The following LYPD6 variants were observed in gnomAD, a reference collection of about 807,000 sequenced individuals.
LYPD6 encodes the protein ly6/PLAUR domain-containing protein 6.
In LYPD6, 15 loss-of-function variants were observed where a neutral mutation model predicts 22.7. That is an observed-to-expected ratio of 0.66 (90% CI 0.44 to 1.02). LYPD6 has a LOEUF of 1.02. LYPD6 is among the 50% of genes least tolerant of loss of function. The pLI is 0.00. For missense variants in LYPD6, 189 were observed against 208.4 expected (o/e 0.91, Z 0.57); for synonymous variants, 72 against 77.5 (o/e 0.93, Z 0.37).
chr2:149,388,182 T>C lies in LYPD6; in HGVS notation c.-71-49456T>C, dbSNP rs199844872. Among the ~76,000 whole-genome samples the C allele has an allele frequency of 2.6e-4, 38 of 146,706 alleles. No individual in the cohort carries two copies. The East Asian group carries it at 5.7e-3, about 22-fold the overall frequency. Reference sequence around the variant, plus strand: ...TACCTTTCTTTCTCTCTCTCTCTCTTTTTTTTTTTTTTGGTCTAAGTTGGT... The same window carrying C: ...TACCTTTCTTTCTCTCTCTCTCTCTCTTTTTTTTTTTTGGTCTAAGTTGGT... On this transcript the variant is annotated intron_variant, in intron 1 of 4. Coordinates refer to ENST00000334166, the MANE Select transcript of LYPD6 (RefSeq NM_194317.5).
intron 1 of LYPD6, among the ~76,000 whole-genome samples, chr2:149,391,294 C>G (rs1423799207): frequency 6.6e-6 from 1 of 152,152 alleles, no homozygotes; most frequent in African/African-American, 2.4e-5. Flanking sequence ...TTTAATGTCA[C>G]TGATTTTTTG....
At chr2:149,389,089 G>T (rs938692835) in intron 1 of LYPD6, among the ~76,000 whole-genome samples, 1 of 152,156 alleles carries the variant, frequency 6.6e-6, no homozygotes, top group African/African-American at 2.4e-5. Flanking sequence ...GAAAGAAAGA[G>T]TGACTAGAAG....
At chr2:149,402,337 C>T (rs1458367772) in intron 1 of LYPD6, among the ~76,000 whole-genome samples, 2 of 151,988 alleles carry the variant, frequency 1.3e-5, no homozygotes, top group East Asian at 3.9e-4. Flanking sequence ...AAATTGTGCT[C>T]CTGTAAACAT....
chr2:149,416,322 C>T (rs149133631), intron 1 of LYPD6, among the ~76,000 whole-genome samples: 1 of 152,248 alleles, frequency 6.6e-6, no homozygotes, highest in Non-Finnish European at 1.5e-5. Context: ...GGGAATGAAA[C>T]CTTTGTAGTC....
chr2:149,383,217 A>G (rs1682107619), intron 1 of LYPD6, among the ~76,000 whole-genome samples: 1 of 152,150 alleles, frequency 6.6e-6, no homozygotes, highest in Non-Finnish European at 1.5e-5. Context: ...AAACTTTTCT[A>G]TGCCGGTTGA....
At chr2:149,402,344 A>C (rs1166182525) in intron 1 of LYPD6, among the ~76,000 whole-genome samples, 1 of 152,072 alleles carries the variant, frequency 6.6e-6, no homozygotes, top group Non-Finnish European at 1.5e-5. Flanking sequence ...GCTCCTGTAA[A>C]CATGCATGTG....
At chr2:149,391,734 T>G (rs1228083098) in intron 1 of LYPD6, among the ~76,000 whole-genome samples, 1 of 152,198 alleles carries the variant, frequency 6.6e-6, no homozygotes, top group Admixed American at 6.5e-5. Context: ...CATACCTCCC[T>G]TTCAATAAGA....
chr2:149,332,796 T>C (rs909987868), intron 1 of LYPD6, among the ~76,000 whole-genome samples: 1 of 152,236 alleles, frequency 6.6e-6, no homozygotes, highest in East Asian at 1.9e-4. Context: ...CTGCTCAATA[T>C]CATTTAGCTC....
chr2:149,356,650 C>G (rs1248950023), intron 1 of LYPD6, among the ~76,000 whole-genome samples: 1 of 152,154 alleles, frequency 6.6e-6, no homozygotes, highest in African/African-American at 2.4e-5. Flanking sequence ...CCCAGTACCC[C>G]TCATTTACTT....
At chr2:149,455,767 A>G (rs1226033600) in intron 3 of LYPD6, among the ~76,000 whole-genome samples, 1 of 152,054 alleles carries the variant, frequency 6.6e-6, no homozygotes, top group African/African-American at 2.4e-5. Flanking sequence ...TATCCTCACT[A>G]CCTTTGCATA....
chr2:149,481,033 G>A, the LYPD6 span, among the ~76,000 whole-genome samples: 1 of 152,286 alleles, frequency 6.6e-6, no homozygotes, highest in Admixed American at 6.5e-5. Flanking sequence ...TCGATGCCAA[G>A]AACAGTCCCT....
At chr2:149,381,442 G>A (rs964457046) in intron 1 of LYPD6, among the ~76,000 whole-genome samples, 1 of 152,142 alleles carries the variant, frequency 6.6e-6, no homozygotes, top group Admixed American at 6.5e-5. Context: ...ACAGGAGGTA[G>A]GCAGAGTGTA....
In LYPD6 at chr2:149,382,886, T is replaced by C. The variant is rs78667730; in HGVS notation, c.-72+52164T>C. Reference sequence around the variant, plus strand: ...AAGTTTTCTTATAGTACTTCACATATGGTTTTGCCTGGATAAAAGGCAATA... The same window carrying C: ...AAGTTTTCTTATAGTACTTCACATACGGTTTTGCCTGGATAAAAGGCAATA... On this transcript the variant is annotated intron_variant, in intron 1 of 4. Transcript: ENST00000334166. Among the ~76,000 whole-genome samples the C allele has an allele frequency of 1.3e-3, 202 of 152,202 alleles. 1 individual carries two copies. Among genetic ancestry groups the C allele is most frequent in the African/African-American group, 4.7e-3 (197 of 41,546 alleles).
chr2:149,339,331 G>A (rs964825975), intron 1 of LYPD6, among the ~76,000 whole-genome samples: 2 of 152,140 alleles, frequency 1.3e-5, no homozygotes, highest in African/African-American at 4.8e-5. Context: ...AGGTTCTGGA[G>A]CCATCGTGGC....
At position 149,360,606 on chromosome 2, in the gene LYPD6, CTTG is replaced by C. The variant is rs1351021323; in HGVS notation, c.-72+29887_-72+29889del. Among the ~76,000 whole-genome samples, 3 of 148,512 alleles carry C rather than the reference CTTG, an allele frequency of 2.0e-5. No homozygotes were observed. The East Asian group carries it at 5.9e-4, about 29-fold the overall frequency. ...TATTACTTCCTTAATTTAGTCTTTA[CTTG>C]TTTTTTTTTTTTTCCCTCTGGACTA... On this transcript the variant is annotated intron_variant, in intron 1 of 4. Transcript: ENST00000334166.
At chr2:149,342,653 G>A (rs1463908734) in intron 1 of LYPD6, among the ~76,000 whole-genome samples, 1 of 152,128 alleles carries the variant, frequency 6.6e-6, no homozygotes, top group East Asian at 1.9e-4. Context: ...GCATAGTTAG[G>A]GCTGGTATTT....
At chr2:149,467,942 T>C (rs558577087) in intron 3 of LYPD6, among the ~76,000 whole-genome samples, 3 of 152,166 alleles carry the variant, frequency 2.0e-5, no homozygotes, top group Non-Finnish European at 2.9e-5. Flanking sequence ...CTCTGGAAAC[T>C]CCCATCATGG....
At chr2:149,403,244 C>G (rs993103279) in intron 1 of LYPD6, among the ~76,000 whole-genome samples, 5,013 of 151,528 alleles carry the variant, frequency 0.033, 255 homozygotes, top group African/African-American at 0.12. Flanking sequence ...GGGTATATAC[C>G]CAGTAATGGG....
At chr2:149,445,899 C>G (rs1206436593) in intron 2 of LYPD6, among the ~76,000 whole-genome samples, 1 of 152,190 alleles carries the variant, frequency 6.6e-6, no homozygotes, top group Admixed American at 6.5e-5. Flanking sequence ...CACAAGAGGC[C>G]TAGCTCTCAG....
Sources: allele counts gnomAD v4.1 joint callset (sites outside exome capture counted in the v4.1 genomes callset), GRCh38; gene constraint gnomAD v4.1.1; transcripts MANE v1.5; gene names NCBI Gene and HGNC (gene_info 2026-07-23, HGNC 2026-07-21).